AKT3: variants seen among roughly 807,000 people sequenced by gnomAD.
AKT3 encodes AKT serine/threonine kinase 3, also known as RAC-gamma serine/threonine-protein kinase.
Under a neutral mutation model 65.3 loss-of-function variants are expected in AKT3, and 15 were observed. That is an observed-to-expected ratio of 0.23 (90% CI 0.15 to 0.35). The LOEUF (loss-of-function observed/expected upper bound fraction) is 0.35, where lower values mean the gene tolerates loss of function less well. AKT3 is among the 10% of genes least tolerant of loss of function. AKT3 has a pLI of 1.00. For missense variants in AKT3, 243 were observed against 576.5 expected (o/e 0.42, Z 5.92); for synonymous variants, 206 against 183.8 (o/e 1.12, Z -0.98).
intron 2 of AKT3, among the ~76,000 whole-genome samples, chr1:243,760,735 T>C (rs1204763856): frequency 6.6e-6 from 1 of 152,170 alleles, no homozygotes; most frequent in African/African-American, 2.4e-5. Flanking sequence ...TTGTGCTTCC[T>C]GTTGGTGATT....
At chr1:243,629,764 CCTGGGCGA>C in intron 6 of AKT3, among the ~76,000 whole-genome samples, 1 of 152,156 alleles carries the variant, frequency 6.6e-6, no homozygotes, top group East Asian at 1.9e-4. Flanking sequence ...TGCACTCCAG[CCTGGGCGA>C]CTGAGTGAGA....
At position 243,613,748 on chromosome 1, in the gene AKT3, A is replaced by T. The variant is rs1678071082; in HGVS notation, c.628-9T>A. ...AAGGAATATTTCAAGGACTTGAAAT[A>T]AAAAAAAGAAAAAATGTTACATTAT... is the stretch of plus-strand genomic sequence containing the variant. On this transcript the variant is annotated splice_polypyrimidine_tract_variant and intron_variant, in intron 7 of 13. Coordinates refer to ENST00000673466, the MANE Select transcript of AKT3 (RefSeq NM_005465.7). The T allele has an allele frequency of 6.5e-7, 1 of 1,547,032 alleles. No individual in the cohort carries two copies. Among genetic ancestry groups the T allele is most frequent in the East Asian group, 2.3e-5 (1 of 43,668 alleles).
chr1:243,530,400 AAAC>A (rs1389885846), intron 12 of AKT3, among the ~76,000 whole-genome samples: 1 of 152,230 alleles, frequency 6.6e-6, no homozygotes, highest in Non-Finnish European at 1.5e-5. Context: ...CATGGACATT[AAAC>A]AACGTGTTCC....
chr1:243,624,875 C>A, intron 6 of AKT3: 1 of 208,864 alleles, frequency 4.8e-6, no homozygotes, highest in Admixed American at 4.6e-5. Flanking sequence ...AAACTAACCT[C>A]TGTGTTCTTG....
intron 5 of AKT3, among the ~76,000 whole-genome samples, chr1:243,640,612 ACCACT>A (rs1292765940): frequency 6.6e-6 from 1 of 152,150 alleles, no homozygotes; most frequent in East Asian, 1.9e-4. Context: ...AAGATAAATT[ACCACT>A]CCGAGAGAGA....
At chr1:243,730,553 G>T (rs1000382223) in intron 2 of AKT3, among the ~76,000 whole-genome samples, 13 of 152,188 alleles carry the variant, frequency 8.5e-5, no homozygotes, top group African/African-American at 3.1e-4. Context: ...CCCAAGCCAG[G>T]GCTGTAACAC....
intron 2 of AKT3, among the ~76,000 whole-genome samples, chr1:243,742,780 A>T (rs963170962): frequency 6.6e-6 from 1 of 151,510 alleles, no homozygotes; most frequent in Non-Finnish European, 1.5e-5. Flanking sequence ...TCCAAACCCT[A>T]GTCTTTTTTA....
At chr1:243,844,954 T>C (rs1695448553) in intron 1 of AKT3, among the ~76,000 whole-genome samples, 1 of 152,204 alleles carries the variant, frequency 6.6e-6, no homozygotes, top group Non-Finnish European at 1.5e-5. Flanking sequence ...GGTACACCAG[T>C]GTTATGTGGT....
At chr1:243,748,477 A>G (rs1308536385) in intron 2 of AKT3, among the ~76,000 whole-genome samples, 1 of 152,216 alleles carries the variant, frequency 6.6e-6, no homozygotes, top group Admixed American at 6.5e-5. Context: ...CTTAGAAAGA[A>G]GCAGCTTTAT....
chr1:243,531,567 T>C lies in AKT3; in HGVS notation c.1251+13943A>G, dbSNP rs999622482. Among the ~76,000 whole-genome samples the C allele has an allele frequency of 3.3e-5, 5 of 152,218 alleles. No individual in the cohort carries two copies. In the South Asian group the frequency reaches 1.0e-3, roughly 32 times the overall value. On this transcript the variant is annotated intron_variant, in intron 12 of 13. Coordinates refer to ENST00000673466, the MANE Select transcript of AKT3 (RefSeq NM_005465.7). ...TTTGTAGTACGGTATTCTGTAAATA[T>C]CCTCAGTATTTTGTTTTTCTGTGTT... is the stretch of plus-strand genomic sequence containing the variant.
chr1:243,520,471 G>T (rs1324444204), intron 12 of AKT3, among the ~76,000 whole-genome samples: 2 of 152,172 alleles, frequency 1.3e-5, no homozygotes, highest in African/African-American at 2.4e-5. Flanking sequence ...CTTTAAACCA[G>T]TATCTTCATC....
downstream of AKT3, among the ~76,000 whole-genome samples, chr1:243,498,144 CCAGT>C (rs1444904303): frequency 6.6e-6 from 1 of 152,232 alleles, no homozygotes; most frequent in African/African-American, 2.4e-5. Flanking sequence ...GCCATTCAAA[CCAGT>C]CATTTAGCAG....
chr1:243,679,649 T>C (rs1572157773), intron 3 of AKT3, among the ~76,000 whole-genome samples: 1 of 152,180 alleles, frequency 6.6e-6, no homozygotes. Context: ...ATTTAAAGTG[T>C]TCATTGGCCA....
chr1:243,554,401 AC>A (rs1673275510), intron 10 of AKT3, among the ~76,000 whole-genome samples: 2 of 152,198 alleles, frequency 1.3e-5, no homozygotes, highest in African/African-American at 4.8e-5. Flanking sequence ...TAACAAAAAA[AC>A]ATTTTCTGGA....
rs192639920 is a variant in AKT3 at position 243,717,039 on chromosome 1, C to T, written c.47-21323G>A. Among the ~76,000 whole-genome samples the T allele has an allele frequency of 2.0e-5, 3 of 152,320 alleles. No homozygotes were observed. The East Asian group carries it at 5.8e-4, about 29-fold the overall frequency. ...TGTCCCTGGTCTCTCTCCCATTCCC[C>T]TCCCAGGCCTGGATGGATCTCAGTC... On this transcript the variant is annotated intron_variant, in intron 2 of 13. Transcript: ENST00000673466.
At chr1:243,539,076 A>C (rs1028066184) in intron 12 of AKT3, among the ~76,000 whole-genome samples, 1 of 152,184 alleles carries the variant, frequency 6.6e-6, no homozygotes, top group Non-Finnish European at 1.5e-5. Context: ...GACCTAATGA[A>C]CACTGGTAGA....
At chr1:243,821,322 C>A (rs1188707821) in intron 2 of AKT3, among the ~76,000 whole-genome samples, 2 of 152,138 alleles carry the variant, frequency 1.3e-5, no homozygotes, top group African/African-American at 4.8e-5. Flanking sequence ...CCAGCCACTG[C>A]AAAAATACAC....
intron 8 of AKT3, among the ~76,000 whole-genome samples, chr1:243,606,163 C>T (rs1023425289): frequency 1.4e-4 from 21 of 152,150 alleles, no homozygotes; most frequent in Non-Finnish European, 7.3e-5. Flanking sequence ...AGAGAATGGA[C>T]TAATACAGTA....
At chr1:243,842,664 A>G (rs1695317978) in intron 2 of AKT3, among the ~76,000 whole-genome samples, 1 of 152,214 alleles carries the variant, frequency 6.6e-6, no homozygotes. Flanking sequence ...TATGGGATTA[A>G]TCCATGAGTT....
Sources: gnomAD v4.1 joint callset for allele counts (sites outside exome capture counted in the v4.1 genomes callset) on GRCh38, gnomAD v4.1.1 for gene constraint, MANE v1.5 for transcripts, NCBI Gene and HGNC (gene_info 2026-07-23, HGNC 2026-07-21) for gene names.